The following LCLAT1 variants were observed in gnomAD, a reference collection of about 807,000 sequenced individuals.
LCLAT1 encodes the protein lysocardiolipin acyltransferase 1, also known as 1-AGP acyltransferase 8.
In LCLAT1, 11 loss-of-function variants were observed where a neutral mutation model predicts 30.7. The observed-to-expected ratio is 0.36, with a 90% CI of 0.23 to 0.59. The LOEUF is 0.59. LCLAT1 is among the 20% of genes least tolerant of loss of function. The probability of loss-of-function intolerance (pLI) is 0.77; values close to 1 mark genes in which losing one functional copy is unlikely to be tolerated. For synonymous variants in LCLAT1, 155 were observed against 151.3 expected (o/e 1.02, Z -0.18); for missense variants, 402 against 458.6 (o/e 0.88, Z 1.13).
chr2:30,513,311 T>C (rs748618084), intron 1 of LCLAT1, among the ~76,000 whole-genome samples: 34 of 151,640 alleles, frequency 2.2e-4, no homozygotes, highest in Non-Finnish European at 3.2e-4. Context: ...TATATAAATA[T>C]CAATAAATAT....
intron 3 of LCLAT1, among the ~76,000 whole-genome samples, chr2:30,561,386 G>C (rs991019642): frequency 6.6e-6 from 1 of 152,164 alleles, no homozygotes; most frequent in Non-Finnish European, 1.5e-5. Flanking sequence ...GGTATTTCCT[G>C]TGTTTGTCCA....
intron 5 of LCLAT1, among the ~76,000 whole-genome samples, chr2:30,633,415 A>T (rs2148531053): frequency 6.6e-6 from 1 of 152,322 alleles, no homozygotes; most frequent in South Asian, 2.1e-4. Context: ...GTCGCCGGGC[A>T]CAGTGGCTCA....
intron 1 of LCLAT1, among the ~76,000 whole-genome samples, chr2:30,454,960 T>C (rs537755175): frequency 1.3e-5 from 2 of 152,204 alleles, no homozygotes; most frequent in Non-Finnish European, 2.9e-5. Flanking sequence ...AGCTTCTCTT[T>C]CCTTCAGAGA....
At position 30,612,106 on chromosome 2, in the gene LCLAT1, G is replaced by C. The variant is rs377230482; in HGVS notation, c.629-28011G>C. ...ATTTAAAGACACAGTCTTGAGAGTT[G>C]ATTAGGAAACAAGTACTTCTACAGT... On this transcript the variant is annotated intron_variant, in intron 5 of 5. Coordinates refer to ENST00000379509, the MANE Select transcript of LCLAT1 (RefSeq NM_001002257.3). 2.6e-5 allele frequency among the ~76,000 whole-genome samples: 4 copies of C among 152,226 alleles called. No homozygotes were observed. The East Asian group carries it at 7.7e-4, about 29-fold the overall frequency.
At chr2:30,549,849 C>T (rs1459082220) in intron 3 of LCLAT1, among the ~76,000 whole-genome samples, 1 of 152,150 alleles carries the variant, frequency 6.6e-6, no homozygotes, top group Non-Finnish European at 1.5e-5. Context: ...TATAACAAAT[C>T]TTACAGAAAA....
At chr2:30,571,713 A>G (rs1396753930) in intron 5 of LCLAT1, among the ~76,000 whole-genome samples, 1 of 152,218 alleles carries the variant, frequency 6.6e-6, no homozygotes, top group Non-Finnish European at 1.5e-5. Flanking sequence ...TGCATTATAT[A>G]TCATGCACTC....
At chr2:30,472,378 C>G (rs1382097133) in intron 1 of LCLAT1, among the ~76,000 whole-genome samples, 1 of 152,132 alleles carries the variant, frequency 6.6e-6, no homozygotes, top group East Asian at 1.9e-4. Context: ...AAAATTTGCC[C>G]AGATTAAGCC....
At chr2:30,582,135 C>T (rs1163337603) in intron 5 of LCLAT1, among the ~76,000 whole-genome samples, 2 of 152,058 alleles carry the variant, frequency 1.3e-5, no homozygotes, top group East Asian at 1.9e-4. Context: ...GCTTCTAAAA[C>T]CAAAGTAAAA....
At chr2:30,554,176 A>C (rs1664814224) in intron 3 of LCLAT1, among the ~76,000 whole-genome samples, 2 of 152,262 alleles carry the variant, frequency 1.3e-5, no homozygotes. Context: ...GGATATTGCT[A>C]CCACTTCCAT....
At chr2:30,537,337 C>T (rs7599000) in intron 3 of LCLAT1, among the ~76,000 whole-genome samples, 335 of 151,048 alleles carry the variant, frequency 2.2e-3, no homozygotes, top group African/African-American at 7.7e-3. Context: ...GCCGAGATTG[C>T]GCCACTGCAG....
At chr2:30,570,582 T>C (rs1665736375) in intron 5 of LCLAT1, among the ~76,000 whole-genome samples, 1 of 152,192 alleles carries the variant, frequency 6.6e-6, no homozygotes, top group Non-Finnish European at 1.5e-5. Context: ...GGAATACAGT[T>C]TGTCTAACTG....
At chr2:30,505,328 CTTTT>C (rs3061277) in intron 1 of LCLAT1, among the ~76,000 whole-genome samples, 41 of 138,240 alleles carry the variant, frequency 3.0e-4, no homozygotes, top group Admixed American at 1.0e-3. Context: ...AGGGGCAAAA[CTTTT>C]TTTTTTTTTT....
intron 2 of LCLAT1, among the ~76,000 whole-genome samples, chr2:30,527,902 C>T (rs187053948): frequency 1.3e-5 from 2 of 152,238 alleles, no homozygotes; most frequent in East Asian, 3.9e-4. Flanking sequence ...TATAGTGGCT[C>T]CAATACAGTA....
At chr2:30,578,638 C>T (rs1188248251) in intron 5 of LCLAT1, among the ~76,000 whole-genome samples, 1 of 152,094 alleles carries the variant, frequency 6.6e-6, no homozygotes, top group Non-Finnish European at 1.5e-5. Context: ...TAACCAGCAC[C>T]TCTCAAAGCT....
At chr2:30,626,680 A>G (rs1032390269) in intron 5 of LCLAT1, among the ~76,000 whole-genome samples, 4 of 151,270 alleles carry the variant, frequency 2.6e-5, no homozygotes, top group Admixed American at 2.0e-4. Flanking sequence ...TTCTCTTTCC[A>G]TTTGTATTCT....
At chr2:30,562,104 C>T (rs1371920805) in intron 3 of LCLAT1, 42 bp from the exon 4 acceptor site, 2 of 1,472,042 alleles carry the variant, frequency 1.4e-6, no homozygotes, top group African/African-American at 2.8e-5. Flanking sequence ...TGGATATTGG[C>T]AATAAAATTA....
chr2:30,527,796 G>A (rs534156767), intron 2 of LCLAT1, among the ~76,000 whole-genome samples: 3 of 152,078 alleles, frequency 2.0e-5, no homozygotes, highest in East Asian at 1.9e-4. Context: ...GTAAGTACCC[G>A]GTAAATATTT....
At chr2:30,476,281 G>A (rs976860943) in intron 1 of LCLAT1, 17 of 412,808 alleles carry the variant, frequency 4.1e-5, no homozygotes, top group South Asian at 2.6e-4. Context: ...GACCCAGAGA[G>A]GTTAAATAAT....
chr2:30,641,513 C>A lies in LCLAT1; in HGVS notation c.*894C>A, dbSNP rs1440264466. 6.6e-6 allele frequency: 1 copy of A among 152,090 alleles called. No individual in the cohort carries two copies. The highest frequency in any genetic ancestry group is 6.5e-5 in the Admixed American group (1 of 15,276). The allele number at this position is 152,090 out of a possible 1,614,324, so 9.4% of individuals were successfully genotyped here. A position where few individuals can be genotyped will look rare whatever the true frequency, so the allele number is the denominator to read the frequency against. ...TGTCTTTTGAAATATTTCTTTACAA[C>A]CTACCAAAAAAGGAAGGTTGTTTTT... On this transcript the variant is annotated 3_prime_UTR_variant, in exon 6 of 6. Transcript: ENST00000379509.
Sources: allele counts gnomAD v4.1 joint callset (sites outside exome capture counted in the v4.1 genomes callset), GRCh38; gene constraint gnomAD v4.1.1; transcripts MANE v1.5; gene names NCBI Gene and HGNC (gene_info 2026-07-23, HGNC 2026-07-21).